PDE1C: variants seen among roughly 807,000 people sequenced by gnomAD.
The protein encoded by PDE1C is phosphodiesterase 1C.
Under a neutral mutation model 93.1 loss-of-function variants are expected in PDE1C, and 62 were observed. The ratio of observed to expected loss-of-function variants is 0.67; its 90% CI spans 0.54 to 0.82. The LOEUF (loss-of-function observed/expected upper bound fraction) is 0.82, where lower values mean the gene tolerates loss of function less well. PDE1C is among the 40% of genes least tolerant of loss of function. The probability of loss-of-function intolerance (pLI) is 0.00; values close to 1 mark genes in which losing one functional copy is unlikely to be tolerated. For missense variants in PDE1C, 742 were observed against 884.6 expected (o/e 0.84, Z 2.04); for synonymous variants, 325 against 310.1 (o/e 1.05, Z -0.50).
chr7:31,684,603 A>G, the PDE1C span, among the ~76,000 whole-genome samples: 2 of 152,256 alleles, frequency 1.3e-5, no homozygotes, highest in Admixed American at 6.5e-5. Flanking sequence ...AAGGTAGACA[A>G]GAGACATGAA....
the PDE1C span, among the ~76,000 whole-genome samples, chr7:31,681,578 A>G: frequency 4.1e-3 from 622 of 152,208 alleles, 2 homozygotes; most frequent in South Asian, 0.021. Flanking sequence ...AGAGCACCCA[A>G]TGCACCTTCT....
At chr7:31,636,153 G>A in the PDE1C span, among the ~76,000 whole-genome samples, 4 of 152,060 alleles carry the variant, frequency 2.6e-5, no homozygotes, top group Non-Finnish European at 4.4e-5. Context: ...GTGGCAAACC[G>A]CCCCCATAAT....
intron 3 of PDE1C, among the ~76,000 whole-genome samples, chr7:32,116,861 C>T (rs1799011215): frequency 6.6e-6 from 1 of 152,148 alleles, no homozygotes; most frequent in African/African-American, 2.4e-5. Context: ...CATTTCTTCC[C>T]AGAGCTTTAG....
At chr7:31,824,527 A>G (rs1789412874) in intron 13 of PDE1C, among the ~76,000 whole-genome samples, 1 of 152,056 alleles carries the variant, frequency 6.6e-6, no homozygotes, top group East Asian at 1.9e-4. Flanking sequence ...TTTCTTTGTA[A>G]GTATTCTTGA....
At chr7:32,277,636 T>G (rs560154515) in intron 1 of PDE1C, among the ~76,000 whole-genome samples, 1 of 152,322 alleles carries the variant, frequency 6.6e-6, no homozygotes, top group Non-Finnish European at 1.5e-5. Flanking sequence ...CTGGCTTCGA[T>G]GAATAAAACA....
chr7:32,137,969 A>T (rs1044117645), intron 3 of PDE1C, among the ~76,000 whole-genome samples: 7 of 152,158 alleles, frequency 4.6e-5, no homozygotes, highest in African/African-American at 1.7e-4. Context: ...TTTTTCCAGG[A>T]TTACTTATGG....
intron 1 of PDE1C, among the ~76,000 whole-genome samples, chr7:32,213,513 G>C (rs1031168586): frequency 6.6e-6 from 1 of 152,184 alleles, no homozygotes; most frequent in Non-Finnish European, 1.5e-5. Flanking sequence ...CGCCCGGCTC[G>C]TCAAGCCCTT....
chr7:32,388,361 T>A (rs756108863), intron 1 of PDE1C, among the ~76,000 whole-genome samples: 1 of 152,034 alleles, frequency 6.6e-6, no homozygotes, highest in South Asian at 2.1e-4. Flanking sequence ...CATCTGTCAA[T>A]CCCTAGAAGT....
At chr7:32,238,968 G>A (rs1420996032) in intron 1 of PDE1C, among the ~76,000 whole-genome samples, 1 of 152,160 alleles carries the variant, frequency 6.6e-6, no homozygotes, top group Non-Finnish European at 1.5e-5. Flanking sequence ...TAAAACATCT[G>A]TTTCAGAAGA....
chr7:31,663,328 G>A, the PDE1C span, among the ~76,000 whole-genome samples: 277 of 152,246 alleles, frequency 1.8e-3, 2 homozygotes, highest in African/African-American at 6.1e-3. Context: ...TCTTGCCACC[G>A]CGTTGTAATG....
At chr7:32,133,369 CA>C (rs1408781275) in intron 3 of PDE1C, among the ~76,000 whole-genome samples, 3 of 152,122 alleles carry the variant, frequency 2.0e-5, no homozygotes, top group Non-Finnish European at 4.4e-5. Context: ...GTCACCAGTA[CA>C]GAGTAAATTC....
chr7:32,039,551 C>T (rs1484221252), intron 2 of PDE1C, among the ~76,000 whole-genome samples: 1 of 152,184 alleles, frequency 6.6e-6, no homozygotes, highest in Non-Finnish European at 1.5e-5. Context: ...GACCCTGTCC[C>T]CTGGTGGCAG....
At chr7:31,835,757 A>G (rs1420316521) in intron 11 of PDE1C, among the ~76,000 whole-genome samples, 1 of 152,122 alleles carries the variant, frequency 6.6e-6, no homozygotes, top group African/African-American at 2.4e-5. Context: ...ATAAACTCCA[A>G]TAAAGGGTCT....
chr7:31,816,984 C>T (rs779529991), intron 14 of PDE1C, among the ~76,000 whole-genome samples: 1 of 152,190 alleles, frequency 6.6e-6, no homozygotes, highest in Non-Finnish European at 1.5e-5. Flanking sequence ...TTGGTTCACT[C>T]ATCCAACTCA....
At chr7:32,020,402 A>G (rs1339526429) in intron 2 of PDE1C, among the ~76,000 whole-genome samples, 2 of 152,060 alleles carry the variant, frequency 1.3e-5, no homozygotes, top group African/African-American at 4.8e-5. Context: ...GTGAGAAAAA[A>G]AAATTTTTTT....
intron 2 of PDE1C, among the ~76,000 whole-genome samples, chr7:32,021,111 T>C (rs1486472370): frequency 6.6e-6 from 1 of 152,088 alleles, no homozygotes; most frequent in African/African-American, 2.4e-5. Flanking sequence ...GGGCCATCCA[T>C]AGAACTGGTT....
the PDE1C span, among the ~76,000 whole-genome samples, chr7:31,659,935 G>A: frequency 4.6e-5 from 7 of 152,220 alleles, no homozygotes; most frequent in South Asian, 6.2e-4. Context: ...CACATGTCAC[G>A]GAGGGAACCG....
chr7:31,689,887 C>T, the PDE1C span, among the ~76,000 whole-genome samples: 1 of 152,200 alleles, frequency 6.6e-6, no homozygotes, highest in Non-Finnish European at 1.5e-5. Context: ...AATTGTCTCT[C>T]AGCCCCTTAG....
At position 31,873,357 on chromosome 7, in the gene PDE1C, C is replaced by T; in HGVS notation, c.544G>A (p.Asp182Asn). The T allele has an allele frequency of 6.2e-7, 1 of 1,613,690 alleles. No individual in the cohort carries two copies. Among genetic ancestry groups the T allele is most frequent in the Non-Finnish European group, 8.5e-7 (1 of 1,179,706 alleles). The change falls in exon 6 of 18, where the codon GAT becomes AAT. Residue 182 changes from aspartate to asparagine, a missense_variant. Around this residue, in one of 4 missense-constraint regions of PDE1C, gnomAD observed 205 missense variants for 295.3 expected, o/e 0.69. Transcript: ENST00000396191. ...DVFSLNEASG[D>N]HALKFIFYEL... is the part of the protein sequence containing the mutation. Reference sequence around the variant, plus strand: ...TAGAAAATAAATTTCAGTGCATGATCCCCACTGGCCTCATTGAGGGAAAAG... The same window carrying T: ...TAGAAAATAAATTTCAGTGCATGATTCCCACTGGCCTCATTGAGGGAAAAG...
Sources: allele counts gnomAD v4.1 joint callset (sites outside exome capture counted in the v4.1 genomes callset), GRCh38; gene constraint gnomAD v4.1.1; regional missense constraint gnomAD v4.1.1; transcripts MANE v1.5; gene names NCBI Gene and HGNC (gene_info 2026-07-23, HGNC 2026-07-21).